Variants in TMSB15B observed in about 807,000 individuals in gnomAD.
TMSB15B encodes the protein thymosin beta-15B.
At chrX:103,926,002 C>T (rs2074966999) in intron 1 of TMSB15B, among the ~76,000 whole-genome samples, 1 of 111,060 alleles carries the variant, frequency 9.0e-6, no homozygotes, top group Admixed American at 9.5e-5. Flanking sequence ...GGAGGAGTCC[C>T]CTTTGGCTCT....
chrX:103,924,977 A>G (rs1348630078), intron 1 of TMSB15B, among the ~76,000 whole-genome samples: 2 of 111,875 alleles, frequency 1.8e-5, no homozygotes, highest in Non-Finnish European at 3.8e-5. Flanking sequence ...CTCCCTTAGG[A>G]ACACAAAATG....
intron 1 of TMSB15B, among the ~76,000 whole-genome samples, chrX:103,930,431 G>A (rs1474537020): frequency 3.6e-5 from 4 of 111,127 alleles, no homozygotes; most frequent in Non-Finnish European, 7.5e-5. Context: ...CTAATCTCAT[G>A]TGACCCTGTG....
chrX:103,931,121 A>T (rs1399493810), intron 1 of TMSB15B: 1 of 111,773 alleles, frequency 8.9e-6, no homozygotes, highest in Non-Finnish European at 1.9e-5. Flanking sequence ...GGTTGGCAGA[A>T]AATGGCTAGT....
chrX:103,941,061 A>G (rs781950952), intron 1 of TMSB15B, among the ~76,000 whole-genome samples: 6 of 111,166 alleles, frequency 5.4e-5, no homozygotes, highest in Non-Finnish European at 9.4e-5. Context: ...ACCAGTCCCA[A>G]TGAGATGAAC....
intron 1 of TMSB15B, among the ~76,000 whole-genome samples, chrX:103,953,710 T>G (rs2075044468): frequency 8.9e-6 from 1 of 112,051 alleles, no homozygotes; most frequent in Non-Finnish European, 1.9e-5. Context: ...CCTGATCCTA[T>G]TCTTCCTTAC....
At chrX:103,943,159 T>C (rs1400179192) in intron 1 of TMSB15B, among the ~76,000 whole-genome samples, 2 of 111,868 alleles carry the variant, frequency 1.8e-5, no homozygotes, top group Non-Finnish European at 1.9e-5. Flanking sequence ...CACTGACATA[T>C]AGGCATTCCA....
chrX:103,922,307 A>G (rs2074955597), intron 1 of TMSB15B, among the ~76,000 whole-genome samples: 1 of 107,570 alleles, frequency 9.3e-6, no homozygotes, highest in African/African-American at 3.4e-5. Flanking sequence ...TGCTGCACCC[A>G]TTAACTCGTC....
chrX:103,927,843 G>A (rs1418832946), intron 1 of TMSB15B, among the ~76,000 whole-genome samples: 1 of 110,985 alleles, frequency 9.0e-6, no homozygotes, highest in Non-Finnish European at 1.9e-5. Flanking sequence ...GCAAAATACT[G>A]TAGTGGTGGC....
At chrX:103,953,334 C>T (rs1556328628) in intron 1 of TMSB15B, among the ~76,000 whole-genome samples, 1 of 111,872 alleles carries the variant, frequency 8.9e-6, no homozygotes, top group African/African-American at 3.3e-5. Flanking sequence ...TCTGGCTATC[C>T]GGGCATCCTA....
chrX:103,935,075 A>T (rs2074993905), intron 1 of TMSB15B, among the ~76,000 whole-genome samples: 1 of 112,303 alleles, frequency 8.9e-6, no homozygotes, highest in African/African-American at 3.2e-5. Flanking sequence ...TTTGATTTGC[A>T]TTTCTCTAAT....
Position 103,951,179 on chromosome X carries a change from C to T in TMSB15B, c.-720-10842C>T, listed in dbSNP as rs781817498. On this transcript the variant is annotated intron_variant, in intron 1 of 3. Transcript: ENST00000419165. ...GTTAGGACCCATCTTAATGACCTCG[C>T]TTTGACTTAAGAGGTAATTATGTCA... 5.4e-5 allele frequency among the ~76,000 whole-genome samples: 6 copies of T among 111,699 alleles called. No individual in the cohort carries two copies. In the South Asian group the frequency reaches 2.3e-3, roughly 42 times the overall value.
rs191893794 is a variant in TMSB15B at position 103,923,021 on chromosome X, A to G, written c.-721+3729A>G. ...AAATGTCTTCTTTTGAGAAGTGTCCATATCCTTCACCCACTTTTTGATGGG... is the reference window on the plus strand; with the variant it reads ...AAATGTCTTCTTTTGAGAAGTGTCCGTATCCTTCACCCACTTTTTGATGGG... On this transcript the variant is annotated intron_variant, in intron 1 of 3. Coordinates refer to the TMSB15B transcript ENST00000419165. Among the ~76,000 whole-genome samples the G allele has an allele frequency of 6.6e-4, 74 of 111,872 alleles. No individual in the cohort carries two copies. The East Asian group carries it at 0.02, about 30-fold the overall frequency.
intron 1 of TMSB15B, among the ~76,000 whole-genome samples, chrX:103,927,565 G>C (rs1291929484): frequency 5.4e-5 from 6 of 111,259 alleles, no homozygotes; most frequent in Non-Finnish European, 7.5e-5. Context: ...AGAAAAGTGA[G>C]GGGAGATTCC....
intron 1 of TMSB15B, among the ~76,000 whole-genome samples, chrX:103,925,421 A>G (rs1164139575): frequency 8.9e-6 from 1 of 112,697 alleles, no homozygotes; most frequent in Non-Finnish European, 1.9e-5. Context: ...TTTCTCAATT[A>G]TTGTTCACTT....
chrX:103,949,702 G>A (rs782782399), intron 1 of TMSB15B, among the ~76,000 whole-genome samples: 15 of 112,158 alleles, frequency 1.3e-4, no homozygotes, highest in Non-Finnish European at 2.6e-4. Context: ...CTGAGTGGAA[G>A]TGCTGAGTAG....
intron 1 of TMSB15B, among the ~76,000 whole-genome samples, chrX:103,924,606 C>G (rs781989570): frequency 2.7e-5 from 3 of 111,903 alleles, no homozygotes; most frequent in Non-Finnish European, 5.6e-5. Context: ...TTCACTCTAG[C>G]TCCATGGTGG....
At chrX:103,921,037 G>A (rs1556317670) in intron 1 of TMSB15B, among the ~76,000 whole-genome samples, 2 of 112,554 alleles carry the variant, frequency 1.8e-5, no homozygotes, top group Non-Finnish European at 3.8e-5. Context: ...ACAGTCTGAA[G>A]CCCTTCCACT....
intron 1 of TMSB15B, among the ~76,000 whole-genome samples, chrX:103,949,333 T>G (rs1249786389): frequency 8.9e-6 from 1 of 111,871 alleles, no homozygotes; most frequent in African/African-American, 3.3e-5. Context: ...TCTCTTTAAT[T>G]TTTGTGTTGA....
At chrX:103,926,571 G>T (rs1272463582) in intron 1 of TMSB15B, among the ~76,000 whole-genome samples, 2 of 109,928 alleles carry the variant, frequency 1.8e-5, no homozygotes, top group Middle Eastern at 4.6e-3. Flanking sequence ...GAAGGGGCTA[G>T]GGAAGAGCAG....
Sources: allele counts gnomAD v4.1 joint callset (sites outside exome capture counted in the v4.1 genomes callset), GRCh38; gene constraint gnomAD v4.1.1; transcripts MANE v1.5; gene names NCBI Gene and HGNC (gene_info 2026-07-23, HGNC 2026-07-21).